The following DLGAP2 variants were observed in gnomAD, a reference collection of about 807,000 sequenced individuals.
The protein encoded by DLGAP2 is disks large-associated protein 2.
In DLGAP2, 26 loss-of-function variants were observed where a neutral mutation model predicts 100.3. The observed-to-expected ratio is 0.26, with a 90% CI of 0.19 to 0.36. The LOEUF (loss-of-function observed/expected upper bound fraction) is 0.36, where lower values mean the gene tolerates loss of function less well. Among genes scored for constraint, DLGAP2 ranks in the 10% least tolerant of loss-of-function variants. The pLI, the probability that DLGAP2 is intolerant of heterozygous loss-of-function variation, is 1.00. For missense variants in DLGAP2, 1,858 were observed against 1,453.2 expected (o/e 1.28, Z -4.53); for synonymous variants, 886 against 630.1 (o/e 1.41, Z -6.08).
rs554040269 is a variant in DLGAP2 at position 848,169 on chromosome 8, G to A, written c.19-59743G>A. Among the ~76,000 whole-genome samples the A allele has an allele frequency of 1.4e-4, 21 of 152,268 alleles. 3 individuals carry two copies. In the South Asian group the frequency reaches 3.9e-3, roughly 29 times the overall value. ...TACCAGAGGCAACCTTGAGACACTG[G>A]CTTCTTCCAGTTCGCACGATGTATT... On this transcript the variant is annotated intron_variant, in intron 1 of 14. Coordinates refer to ENST00000637795, the MANE Select transcript of DLGAP2 (RefSeq NM_001346810.2).
At chr8:1,005,402 C>CT (rs1801077287) in intron 2 of DLGAP2, among the ~76,000 whole-genome samples, 6 of 113,624 alleles carry the variant, frequency 5.3e-5, no homozygotes, top group African/African-American at 1.6e-4. Flanking sequence ...AACAACTCCA[C>CT]TTGTTTTTTT....
At chr8:1,147,391 C>T (rs182025810) in intron 2 of DLGAP2, among the ~76,000 whole-genome samples, 1 of 152,028 alleles carries the variant, frequency 6.6e-6, no homozygotes, top group Non-Finnish European at 1.5e-5. Context: ...TTATTTAACT[C>T]TATTTTTTCT....
At chr8:953,755 G>A (rs1799535381) in intron 2 of DLGAP2, among the ~76,000 whole-genome samples, 2 of 152,112 alleles carry the variant, frequency 1.3e-5, no homozygotes, top group African/African-American at 2.4e-5. Context: ...TGGAGCTGAC[G>A]CTGTCACAGT....
chr8:919,693 G>A (rs1282002890), intron 2 of DLGAP2, among the ~76,000 whole-genome samples: 1 of 152,172 alleles, frequency 6.6e-6, no homozygotes. Context: ...CACCAGGGAA[G>A]ATGGTCAGAA....
intron 2 of DLGAP2, among the ~76,000 whole-genome samples, chr8:1,253,533 C>T (rs1799099291): frequency 6.6e-6 from 1 of 152,230 alleles, no homozygotes; most frequent in South Asian, 2.1e-4. Flanking sequence ...ACAGGAGATG[C>T]TGCAGTTTCC....
At chr8:1,190,489 C>A (rs1248659648) in intron 2 of DLGAP2, among the ~76,000 whole-genome samples, 1 of 152,130 alleles carries the variant, frequency 6.6e-6, no homozygotes, top group Non-Finnish European at 1.5e-5. Flanking sequence ...GGCAATCTTT[C>A]CCGGCAGCAT....
chr8:1,114,331 CT>C (rs1324214073), intron 2 of DLGAP2, among the ~76,000 whole-genome samples: 3 of 151,512 alleles, frequency 2.0e-5, no homozygotes, highest in South Asian at 4.2e-4. Flanking sequence ...CTGTCCTGGG[CT>C]TTTTTTTGGT....
intron 3 of DLGAP2, among the ~76,000 whole-genome samples, chr8:1,303,663 C>G (rs1039536355): frequency 2.6e-5 from 4 of 152,166 alleles, no homozygotes; most frequent in Admixed American, 2.6e-4. Flanking sequence ...CCCCAACACT[C>G]AGGAGCCCGC....
At chr8:1,470,823 C>G (rs113563392) in intron 3 of DLGAP2, among the ~76,000 whole-genome samples, 2,122 of 28,096 alleles carry the variant, frequency 0.076, 308 homozygotes, top group Non-Finnish European at 0.12. Flanking sequence ...ACCCCTCCAG[C>G]CTTTCCCGAC....
chr8:849,136 T>C lies in DLGAP2; in HGVS notation c.19-58776T>C, dbSNP rs557773555. Among the ~76,000 whole-genome samples, 14 of 151,628 alleles carry C rather than the reference T, an allele frequency of 9.2e-5. No homozygotes were observed. The South Asian group carries it at 2.5e-3, about 27-fold the overall frequency. ...CAGTGTCTGTTCTGGTATAGGATCATGTGATGTGTGTTCCAGTATAGGAAC... is the reference window on the plus strand; with the variant it reads ...CAGTGTCTGTTCTGGTATAGGATCACGTGATGTGTGTTCCAGTATAGGAAC... On this transcript the variant is annotated intron_variant, in intron 1 of 14. Transcript: ENST00000637795.
In DLGAP2 at chr8:1,414,714, T is replaced by TAAA. The variant is rs567182207; in HGVS notation, c.107-86650_107-86649insAAA. Among the ~76,000 whole-genome samples, 116 of 152,270 alleles carry TAAA rather than the reference T, an allele frequency of 7.6e-4. 2 individuals carry two copies. Among genetic ancestry groups the TAAA allele is most frequent in the African/African-American group, 2.6e-3 (107 of 41,558 alleles). On this transcript the variant is annotated intron_variant, in intron 3 of 14. Transcript: ENST00000637795. ...TACAAGCATGGAACCTCCTGTTAAA[T>TAAA]AATCAGGTGTCTGGCTGGGCACGGT...
chr8:738,021 G>C, intron 1 of DLGAP2, 196 bp downstream of exon 1: 1 of 311,996 alleles, frequency 3.2e-6, no homozygotes, highest in Non-Finnish European at 5.8e-6. Flanking sequence ...CGGGGGTCGC[G>C]CGTTGCGCTC....
intron 2 of DLGAP2, among the ~76,000 whole-genome samples, chr8:1,109,524 CAT>C (rs1228308061): frequency 2.1e-3 from 3 of 1,456 alleles, no homozygotes; most frequent in African/African-American, 0.019. Context: ...GGGTCTGTGA[CAT>C]GTGCTGGGTC....
chr8:1,205,447 C>T (rs1003675336), intron 2 of DLGAP2, among the ~76,000 whole-genome samples: 1 of 152,066 alleles, frequency 6.6e-6, no homozygotes, highest in East Asian at 1.9e-4. Context: ...TCTAGAAACA[C>T]GTGACGTCAC....
chr8:953,667 T>TA lies in DLGAP2; in HGVS notation c.73+45706dup, dbSNP rs1234382825. On this transcript the variant is annotated intron_variant, in intron 2 of 14. Coordinates refer to ENST00000637795, the MANE Select transcript of DLGAP2 (RefSeq NM_001346810.2). ...TTTTGTCCATCAGTCTTTTTTCACATAAAAACAGAGTTGCGTGAAAGAAAG... is the reference window on the plus strand; with the variant it reads ...TTTTGTCCATCAGTCTTTTTTCACATAAAAAACAGAGTTGCGTGAAAGAAAG... Among the ~76,000 whole-genome samples, 15 of 152,316 alleles carry TA rather than the reference T, an allele frequency of 9.8e-5. 1 individual carries two copies. The highest frequency in any genetic ancestry group is 3.6e-4 in the African/African-American group (15 of 41,576).
intron 3 of DLGAP2, among the ~76,000 whole-genome samples, chr8:1,448,040 C>G (rs1358720936): frequency 2.0e-5 from 3 of 152,080 alleles, no homozygotes; most frequent in Non-Finnish European, 4.4e-5. Flanking sequence ...AAAACCAGCT[C>G]CTGGATTCAT....
rs1798792873 is a variant in DLGAP2, at chr8:1,241,370, C to CATGGCGCCGTGTCTAGTTCTCTCAA, written c.74-17459_74-17458insCAAATGGCGCCGTGTCTAGTTCTCT. Among the ~76,000 whole-genome samples, 12 of 152,222 alleles carry CATGGCGCCGTGTCTAGTTCTCTCAA rather than the reference C, an allele frequency of 7.9e-5. 6 individuals carry two copies. The highest frequency in any genetic ancestry group is 2.4e-4 in the African/African-American group (10 of 41,442). On this transcript the variant is annotated intron_variant, in intron 2 of 14. Coordinates refer to ENST00000637795, the MANE Select transcript of DLGAP2 (RefSeq NM_001346810.2). ...CATGGCGCCGTGTCTAGTTCTCTCA[C>CATGGCGCCGTGTCTAGTTCTCTCAA]ATGGCGCCGTGTCTAGTTCTCTGTC...
At chr8:1,119,257 T>C (rs780860869) in intron 2 of DLGAP2, among the ~76,000 whole-genome samples, 2 of 152,252 alleles carry the variant, frequency 1.3e-5, no homozygotes, top group Non-Finnish European at 2.9e-5. Flanking sequence ...TTTGTAGGAC[T>C]ACTTTTATTT....
At chr8:1,647,526 A>AAAAAT (rs1798069731) in intron 8 of DLGAP2, among the ~76,000 whole-genome samples, 1 of 143,102 alleles carries the variant, frequency 7.0e-6, no homozygotes, top group Non-Finnish European at 1.5e-5. Context: ...AAAAAAAAAA[A>AAAAAT]GTGCATCTTT....
Sources: gnomAD v4.1 joint callset for allele counts (sites outside exome capture counted in the v4.1 genomes callset) on GRCh38, gnomAD v4.1.1 for gene constraint, MANE v1.5 for transcripts, NCBI Gene and HGNC (gene_info 2026-07-23, HGNC 2026-07-21) for gene names.